GOLGA4: variants seen among roughly 807,000 people sequenced by gnomAD.
GOLGA4 encodes golgin subfamily A member 4.
In GOLGA4, 169 loss-of-function variants were observed where a neutral mutation model predicts 265.9. The observed-to-expected ratio is 0.64, with a 90% CI of 0.56 to 0.72. GOLGA4 has a LOEUF of 0.72. Among genes scored for constraint, GOLGA4 ranks in the 30% least tolerant of loss-of-function variants. The pLI, the probability that GOLGA4 is intolerant of heterozygous loss-of-function variation, is 0.00. For missense variants in GOLGA4, 2,482 were observed against 2,483.4 expected (o/e 1.00, Z 0.01); for synonymous variants, 923 against 855.8 (o/e 1.08, Z -1.37).
intron 2 of GOLGA4, among the ~76,000 whole-genome samples, chr3:37,257,919 GTA>G (rs1309312309): frequency 1.8e-5 from 2 of 114,060 alleles, no homozygotes; most frequent in African/African-American, 7.4e-5. Flanking sequence ...ATATATGTAT[GTA>G]TATATGTATA....
In GOLGA4 at chr3:37,286,038, CAGAG is replaced by C; in HGVS notation, c.508_511del (p.Glu170ArgfsTer8). The C allele has an allele frequency of 6.4e-7, 1 of 1,566,976 alleles. No individual in the cohort carries two copies. Among genetic ancestry groups the C allele is most frequent in the Non-Finnish European group, 8.7e-7 (1 of 1,145,270 alleles). On this transcript the variant is annotated frameshift_variant, in exon 4 of 24. Transcript: ENST00000361924. LOFTEE classifies it high-confidence loss of function. Reference sequence around the variant, plus strand: ...GCTTGTTACAGCTTATCAGATGCTTCAGAGAGAGAAGAAAAAGCTACAAGTAAGT... The same window carrying C: ...GCTTGTTACAGCTTATCAGATGCTTCAGAGAAGAAAAAGCTACAAGTAAGT...
chr3:37,314,682 C>CACACACACACACACA (rs148252805), intron 10 of GOLGA4, among the ~76,000 whole-genome samples: 2 of 142,580 alleles, frequency 1.4e-5, no homozygotes, highest in African/African-American at 5.1e-5. Flanking sequence ...CACACACACA[C>CACACACACACACACA]GAAAAAAACC....
intron 9 of GOLGA4, 106 bp from the exon 10 acceptor site, chr3:37,302,079 A>G: frequency 6.5e-6 from 6 of 917,322 alleles, no homozygotes; most frequent in Non-Finnish European, 6.9e-6. Context: ...ATGAGTCACC[A>G]TGCACCATGC....
intron 1 of GOLGA4, among the ~76,000 whole-genome samples, chr3:37,244,676 G>C (rs2096713974): frequency 6.6e-6 from 1 of 152,118 alleles, no homozygotes; most frequent in African/African-American, 2.4e-5. Flanking sequence ...GATTGCATTA[G>C]GTTTATTCTG....
chr3:37,354,834 A>C (rs1215275107), intron 21 of GOLGA4, among the ~76,000 whole-genome samples: 4 of 152,140 alleles, frequency 2.6e-5, no homozygotes, highest in Non-Finnish European at 5.9e-5. Flanking sequence ...ATTTAAATAA[A>C]GGGGCCAAGA....
At chr3:37,334,115 A>C (rs552880802) in intron 16 of GOLGA4, among the ~76,000 whole-genome samples, 4 of 152,348 alleles carry the variant, frequency 2.6e-5, no homozygotes, top group African/African-American at 9.6e-5. Context: ...TATAAGAATA[A>C]AGAGAAGTCT....
chr3:37,252,702 G>A (rs1400077920), intron 2 of GOLGA4, among the ~76,000 whole-genome samples: 2 of 151,948 alleles, frequency 1.3e-5, no homozygotes, highest in African/African-American at 2.4e-5. Flanking sequence ...TTTCATTTTG[G>A]TTTTAATTTA....
At chr3:37,295,944 AT>A in intron 6 of GOLGA4, 142 bp from the exon 7 acceptor site, 1 of 673,428 alleles carries the variant, frequency 1.5e-6, no homozygotes, top group African/African-American at 1.8e-5. Flanking sequence ...ATACTACACC[AT>A]TTTATATAAT....
chr3:37,330,054 A>G (rs760918152), intron 16 of GOLGA4, among the ~76,000 whole-genome samples: 14 of 151,498 alleles, frequency 9.2e-5, no homozygotes, highest in Non-Finnish European at 1.8e-4. Flanking sequence ...TGAGCTTTAT[A>G]TGTCATTATG....
intron 7 of GOLGA4, among the ~76,000 whole-genome samples, chr3:37,296,517 G>T (rs2096878762): frequency 6.6e-6 from 1 of 152,108 alleles, no homozygotes; most frequent in Non-Finnish European, 1.5e-5. Context: ...AGATGCAAGG[G>T]TTTGTTTTGT....
chr3:37,274,154 G>C (rs1457941591), intron 2 of GOLGA4, among the ~76,000 whole-genome samples: 2 of 150,526 alleles, frequency 1.3e-5, no homozygotes, highest in Non-Finnish European at 3.0e-5. Context: ...AAAACTTTTT[G>C]AAAAACTGTG....
At chr3:37,305,807 G>T (rs1490017947) in intron 10 of GOLGA4, among the ~76,000 whole-genome samples, 1 of 152,150 alleles carries the variant, frequency 6.6e-6, no homozygotes, top group Non-Finnish European at 1.5e-5. Flanking sequence ...TTCTGATATT[G>T]CTGGTAATTC....
intron 12 of GOLGA4, chr3:37,320,028 A>AATAAAAATGG (rs1261282034): frequency 6.6e-6 from 1 of 152,006 alleles, no homozygotes; most frequent in Non-Finnish European, 1.5e-5. Flanking sequence ...CAGAAGAAGA[A>AATAAAAATGG]ATAAAAATGG....
At position 37,275,814 on chromosome 3, in the gene GOLGA4, TGCA is replaced by T. The variant is rs1304142893; in HGVS notation, c.163-6142_163-6140del. 1.2e-5 allele frequency: 19 copies of T among 1,613,770 alleles called. No individual in the cohort carries two copies. In the East Asian group the frequency reaches 3.3e-4, roughly 28 times the overall value. On this transcript the variant is annotated intron_variant, in intron 2 of 23. Coordinates refer to ENST00000361924, the MANE Select transcript of GOLGA4 (RefSeq NM_002078.5). ...AATATTCCTATGACCCTGGAATTAC[TGCA>T]GTCCACAAGAATCGGAATGTCAGTT...
chr3:37,259,026 T>G (rs955046084), intron 2 of GOLGA4, among the ~76,000 whole-genome samples: 1 of 152,184 alleles, frequency 6.6e-6, no homozygotes, highest in Non-Finnish European at 1.5e-5. Flanking sequence ...CTCTCTTGTA[T>G]TTTTTCAAGA....
chr3:37,275,874 A>AG (rs2150740806), intron 2 of GOLGA4: 1 of 1,613,808 alleles, frequency 6.2e-7, no homozygotes, highest in African/African-American at 1.3e-5. Flanking sequence ...ACAGATGAGG[A>AG]AGTTACATCT....
intron 2 of GOLGA4, among the ~76,000 whole-genome samples, chr3:37,256,583 C>T (rs532187645): frequency 2.6e-5 from 4 of 152,228 alleles, no homozygotes; most frequent in African/African-American, 9.6e-5. Flanking sequence ...ACTCTGGGTA[C>T]TCTCCTATCC....
At chr3:37,255,916 CCAAA>C (rs372815459) in intron 2 of GOLGA4, among the ~76,000 whole-genome samples, 83 of 151,734 alleles carry the variant, frequency 5.5e-4, no homozygotes, top group East Asian at 1.2e-3. Context: ...CCGCACAGGG[CCAAA>C]CAAACAAACA....
At chr3:37,296,966 A>G (rs555292298) in intron 7 of GOLGA4, among the ~76,000 whole-genome samples, 2 of 151,838 alleles carry the variant, frequency 1.3e-5, no homozygotes, top group East Asian at 3.9e-4. Context: ...TGTTTTATTA[A>G]TAGCAGTAGC....
Sources: gnomAD v4.1 joint callset for allele counts (sites outside exome capture counted in the v4.1 genomes callset) on GRCh38, gnomAD v4.1.1 for gene constraint, MANE v1.5 for transcripts, NCBI Gene and HGNC (gene_info 2026-07-23, HGNC 2026-07-21) for gene names.